The following ITSN1 variants were observed in gnomAD, a reference collection of about 807,000 sequenced individuals.
ITSN1 encodes intersectin 1.
A neutral mutation model predicts 239.8 loss-of-function variants in ITSN1; 58 were observed. The observed-to-expected ratio is 0.24, with a 90% CI of 0.20 to 0.30. The LOEUF (loss-of-function observed/expected upper bound fraction) is 0.30. ITSN1 is among the 10% of genes least tolerant of loss of function. The pLI is 1.00. For missense variants in ITSN1, 1,558 were observed against 2,103.3 expected (o/e 0.74, Z 5.07); for synonymous variants, 780 against 770.8 (o/e 1.01, Z -0.20).
rs201073854 is a variant in ITSN1, at chr21:33,772,236, A to G, written c.1218A>G (p.Gln406=). ...GCCAGGAGCAAGAGCGCAAAAGACA[A>G]CTGGAACTGGAGAAGCAACTGGAAA... ...RERQEQERKR[Q]LELEKQLEKQ... is the part of the protein sequence containing the mutation. Residue 406 remains glutamine (Q), a synonymous_variant, in exon 12 of 40, where the codon CAA becomes CAG. Coordinates refer to ENST00000381318, the MANE Select transcript of ITSN1 (RefSeq NM_003024.3). The G allele has an allele frequency of 1.2e-5, 20 of 1,608,618 alleles. No individual in the cohort carries two copies. The highest frequency in any genetic ancestry group is 1.5e-5 in the Non-Finnish European group (18 of 1,177,264).
In ITSN1 at chr21:33,762,963, G is replaced by A. The variant is rs193287729; in HGVS notation, c.788+977G>A. ...CCGGGGGTGAGCACTGCGCCTGACC[G>A]ACTTTCTTCTTAGCACAGTCATAAC... On this transcript the variant is annotated intron_variant, in intron 9 of 39. Coordinates refer to ENST00000381318, the MANE Select transcript of ITSN1 (RefSeq NM_003024.3). Among the ~76,000 whole-genome samples, 20 of 151,986 alleles carry A rather than the reference G, an allele frequency of 1.3e-4. No homozygotes were observed. The East Asian group carries it at 3.5e-3, about 26-fold the overall frequency.
chr21:33,819,705 G>A (rs1054696812), intron 24 of ITSN1, among the ~76,000 whole-genome samples: 5 of 152,174 alleles, frequency 3.3e-5, no homozygotes, highest in South Asian at 4.1e-4. Context: ...ACTACAGGCC[G>A]GGCGCGGTGG....
At chr21:33,710,276 C>T (rs1286393321) in intron 1 of ITSN1, among the ~76,000 whole-genome samples, 2 of 151,864 alleles carry the variant, frequency 1.3e-5, no homozygotes, top group Non-Finnish European at 2.9e-5. Flanking sequence ...GACGGGGTTT[C>T]ACCGTGTTAG....
rs1489035101 is a variant in ITSN1 at position 33,799,848 on chromosome 21, A to G, written c.2223A>G (p.Lys741=). The change falls in exon 19 of 40, where the codon AAA becomes AAG. Residue 741 remains lysine (K), a synonymous_variant. Coordinates refer to ENST00000381318, the MANE Select transcript of ITSN1 (RefSeq NM_003024.3). ...PLTISAQENV[K]VVYYRALYPF... The stretch of plus-strand genomic sequence containing the variant: ...CCATTTCTGCACAGGAAAATGTAAA[A>G]GTGGTGTATTACCGGGCACTGTACC... 1 of 1,614,080 alleles carries G rather than the reference A, an allele frequency of 6.2e-7. No homozygotes were observed. The highest frequency in any genetic ancestry group is 8.5e-7 in the Non-Finnish European group (1 of 1,179,954).
At chr21:33,846,171 C>T (rs2074985164) in intron 29 of ITSN1, among the ~76,000 whole-genome samples, 2 of 152,180 alleles carry the variant, frequency 1.3e-5, no homozygotes, top group Non-Finnish European at 2.9e-5. Context: ...TCAGCCTCCA[C>T]CACCACCCCA....
intron 5 of ITSN1, among the ~76,000 whole-genome samples, chr21:33,742,142 C>T (rs530419918): frequency 2.0e-5 from 3 of 151,430 alleles, no homozygotes; most frequent in South Asian, 2.1e-4. Flanking sequence ...CTGCAACCTC[C>T]GCTTCCTGGG....
intron 3 of ITSN1, among the ~76,000 whole-genome samples, chr21:33,721,615 G>A (rs1225911109): frequency 6.6e-6 from 1 of 151,704 alleles, no homozygotes; most frequent in Non-Finnish European, 1.5e-5. Context: ...GGCCAACATG[G>A]TGAAACCCCG....
intron 5 of ITSN1, among the ~76,000 whole-genome samples, chr21:33,743,320 G>T (rs937837645): frequency 4.6e-5 from 7 of 152,168 alleles, no homozygotes; most frequent in African/African-American, 1.7e-4. Flanking sequence ...ACAAAAATTA[G>T]CTGGGTATGG....
In ITSN1 at chr21:33,882,529, A is replaced by G. The variant is rs2148557498; in HGVS notation, c.4554+74A>G. On this transcript the variant is annotated intron_variant, in intron 35 of 39. Coordinates refer to ENST00000381318, the MANE Select transcript of ITSN1 (RefSeq NM_003024.3). The surrounding 1 kb of genome is among the most constrained non-coding windows in gnomAD (Gnocchi z 4.5). ...AGGAAGAAGTTTCCAAAAAGGAGGT[A>G]GAGTTTTAGCAGGGTCAGGGGCTGT... 1 of 1,345,524 alleles carries G rather than the reference A, an allele frequency of 7.4e-7. No individual in the cohort carries two copies. Among genetic ancestry groups the G allele is most frequent in the Admixed American group, 1.9e-5 (1 of 51,434 alleles). 83.3% of individuals were successfully genotyped at this position (1,345,524 alleles called of 1,614,324 possible). A position where few individuals can be genotyped will look rare whatever the true frequency, so the allele number is the denominator to read the frequency against.
intron 36 of ITSN1, among the ~76,000 whole-genome samples, chr21:33,884,224 G>GTTT (rs1253050118): frequency 3.3e-5 from 5 of 152,044 alleles, no homozygotes; most frequent in Admixed American, 3.3e-4. Flanking sequence ...TGTTGTTGTT[G>GTTT]TTGTTGTTTT....
intron 1 of ITSN1, among the ~76,000 whole-genome samples, chr21:33,673,491 A>G (rs1379383394): frequency 1.3e-5 from 2 of 152,232 alleles, no homozygotes; most frequent in African/African-American, 4.8e-5. Context: ...TGTACCTTAA[A>G]TTATACAATA....
intron 4 of ITSN1, 30 bp from the exon 5 acceptor site, chr21:33,735,014 T>C: frequency 6.3e-7 from 1 of 1,585,476 alleles, no homozygotes; most frequent in Non-Finnish European, 8.6e-7. Flanking sequence ...ATGGTCACAG[T>C]TGTTCTCAGG....
At chr21:33,803,242 C>T (rs771828153) in intron 20 of ITSN1, among the ~76,000 whole-genome samples, 3 of 152,136 alleles carry the variant, frequency 2.0e-5, no homozygotes, top group South Asian at 2.1e-4. Flanking sequence ...ATTGGTTAAG[C>T]GATTTGGAAG....
chr21:33,819,299 G>C lies in ITSN1; in HGVS notation c.2992G>C (p.Ala998Pro). The C allele has an allele frequency of 6.2e-7, 1 of 1,614,066 alleles. No homozygotes were observed. Among genetic ancestry groups the C allele is most frequent in the Non-Finnish European group, 8.5e-7 (1 of 1,179,944 alleles). Reference sequence around the variant, plus strand: ...TCTAAAGCGAGTAGCCTCTCCAGCAGCCAAGCCGGTCGTTTCGGGAGAAGG... The same window carrying C: ...TCTAAAGCGAGTAGCCTCTCCAGCACCCAAGCCGGTCGTTTCGGGAGAAGG... ...ASLKRVASPA[A>P]KPVVSGEEFI... The change falls in exon 24 of 40, where the codon GCC (alanine) becomes CCC (proline). Residue 998 changes from alanine (A) to proline (P), a missense_variant. By Grantham distance (27) the Ala-to-Pro change is conservative. This residue lies in a region of ITSN1 where 982 missense variants were observed against 1,209.9 expected (regional missense o/e 0.81). Transcript: ENST00000381318.
intron 1 of ITSN1, among the ~76,000 whole-genome samples, chr21:33,649,629 G>T (rs930080553): frequency 6.6e-5 from 10 of 152,138 alleles, no homozygotes; most frequent in Admixed American, 5.2e-4. Flanking sequence ...GGAGTCATGT[G>T]GTAGTGCGTT....
chr21:33,675,080 CA>C (rs1167209248), intron 1 of ITSN1, among the ~76,000 whole-genome samples: 1 of 152,064 alleles, frequency 6.6e-6, no homozygotes, highest in Non-Finnish European at 1.5e-5. Context: ...TTACCTTGAC[CA>C]TATGGTTTTA....
At chr21:33,835,119 G>T (rs1485121215) in intron 28 of ITSN1, among the ~76,000 whole-genome samples, 1 of 152,162 alleles carries the variant, frequency 6.6e-6, no homozygotes, top group Non-Finnish European at 1.5e-5. Context: ...TAGAATTTTT[G>T]TTCCAATACC....
chr21:33,808,189 G>T (rs370960917), intron 20 of ITSN1, among the ~76,000 whole-genome samples: 10 of 148,628 alleles, frequency 6.7e-5, no homozygotes, highest in African/African-American at 2.6e-4. Flanking sequence ...GCGAGACTCC[G>T]TCTCAAAAAA....
chr21:33,691,787 A>G (rs1446946952), intron 1 of ITSN1, among the ~76,000 whole-genome samples: 4 of 152,342 alleles, frequency 2.6e-5, no homozygotes, highest in Non-Finnish European at 4.4e-5. Context: ...AGGAGAGATC[A>G]TCTCTCTGAT....
Sources: gnomAD v4.1 joint callset for allele counts (sites outside exome capture counted in the v4.1 genomes callset) on GRCh38, gnomAD v4.1.1 for gene constraint, gnomAD v4.1.1 regional missense constraint, Gnocchi (gnomAD v3.1) non-coding constraint, MANE v1.5 for transcripts, NCBI Gene and HGNC (gene_info 2026-07-23, HGNC 2026-07-21) for gene names.